Variants in TMEM151A observed in about 807,000 individuals in gnomAD.
The protein encoded by TMEM151A is transmembrane protein 151.
Under a neutral mutation model 33.7 loss-of-function variants are expected in TMEM151A, and 21 were observed. The ratio of observed to expected loss-of-function variants is 0.62; its 90% CI spans 0.44 to 0.90. The LOEUF (loss-of-function observed/expected upper bound fraction) is 0.90. Among genes scored for constraint, TMEM151A ranks in the 40% least tolerant of loss-of-function variants. TMEM151A has a pLI of 0.00. For missense variants in TMEM151A, 704 were observed against 697.7 expected (o/e 1.01, Z -0.10); for synonymous variants, 374 against 330.3 (o/e 1.13, Z -1.43).
In TMEM151A at chr11:66,292,119, C is replaced by A; in HGVS notation, c.75+31C>A. The A allele has an allele frequency of 2.1e-6, 3 of 1,411,248 alleles. No homozygotes were observed. The highest frequency in any genetic ancestry group is 2.7e-6 in the Non-Finnish European group (3 of 1,091,862). The allele number at this position is 1,411,248 out of a possible 1,614,324, so 87.4% of individuals were successfully genotyped here. A position where few individuals can be genotyped will look rare whatever the true frequency, so the allele number is the denominator to read the frequency against. On this transcript the variant is annotated intron_variant, in intron 1 of 1. Transcript: ENST00000327259. The surrounding 1 kb of genome is among the most constrained non-coding windows in gnomAD (Gnocchi z 4.7). ...GGCGCTGGGGGGGCCGGAGCCGGGC[C>A]TGGGGCGGCGTGAGAGGGACCAGTG...
Position 66,295,602 on chromosome 11 carries a change from C to A in TMEM151A, c.1356C>A (p.Leu452=). The A allele has an allele frequency of 6.5e-7, 1 of 1,546,556 alleles. No individual in the cohort carries two copies. The highest frequency in any genetic ancestry group is 2.6e-5 in the East Asian group (1 of 38,438). ...CYEDALYFPV[L]IVHGDSGCQG... ...AGGACGCCCTCTACTTCCCGGTGCTCATTGTCCACGGAGACAGCGGCTGCC... is the reference window on the plus strand; with the variant it reads ...AGGACGCCCTCTACTTCCCGGTGCTAATTGTCCACGGAGACAGCGGCTGCC... The change falls in exon 2 of 2, where the codon CTC becomes CTA. Residue 452 remains leucine (L), a synonymous_variant. Coordinates refer to ENST00000327259, the MANE Select transcript of TMEM151A (RefSeq NM_153266.4).
chr11:66,295,763 A>C lies in TMEM151A; in HGVS notation c.*110A>C. 298 of 742,370 alleles carry C rather than the reference A, an allele frequency of 4.0e-4. No homozygotes were observed. The highest frequency in any genetic ancestry group is 1.1e-3 in the East Asian group (22 of 19,426). 46.0% of individuals were successfully genotyped at this position (742,370 alleles called of 1,614,324 possible). A position where few individuals can be genotyped will look rare whatever the true frequency, so the allele number is the denominator to read the frequency against. ...CGGGAAAACAGACCAGCCACACACA[A>C]GGGGCAGGGGTGAGGGTGGGGGTGG... is the stretch of plus-strand genomic sequence containing the variant. On this transcript the variant is annotated 3_prime_UTR_variant, in exon 2 of 2. Coordinates refer to ENST00000327259, the MANE Select transcript of TMEM151A (RefSeq NM_153266.4).
chr11:66,294,479 T>C lies in TMEM151A; in HGVS notation c.233T>C (p.Leu78Ser). 4 of 1,605,970 alleles carry C rather than the reference T, an allele frequency of 2.5e-6. No individual in the cohort carries two copies. The highest frequency in any genetic ancestry group is 2.6e-6 in the Non-Finnish European group (3 of 1,176,146). The change falls in exon 2 of 2, where the codon TTG becomes TCG. Residue 78 changes from leucine (L) to serine (S), a missense_variant. By Grantham distance (145) the Leu-to-Ser change is moderately radical. This residue lies in a region of TMEM151A where 301 missense variants were observed against 323.4 expected (regional missense o/e 0.93). Transcript: ENST00000327259. Reference sequence around the variant, plus strand: ...CTGGTCCTGGGGCCCGAGGCCGCCTTGGCCCGGGGAGCCGGGGGCCCGCCA... The same window carrying C: ...CTGGTCCTGGGGCCCGAGGCCGCCTCGGCCCGGGGAGCCGGGGGCCCGCCA... ...PRLVLGPEAA[L>S]ARGAGGPPPT... is the part of the protein sequence containing the mutation.
chr11:66,294,452 G>C lies in TMEM151A; in HGVS notation c.206G>C (p.Arg69Pro). 6.2e-7 allele frequency: 1 copy of C among 1,609,154 alleles called. No individual in the cohort carries two copies. The highest frequency in any genetic ancestry group is 8.5e-7 in the Non-Finnish European group (1 of 1,178,046). Residue 69 changes from arginine to proline, a missense_variant, in exon 2 of 2, where the codon CGG becomes CCG. Physicochemically the swap from Arg to Pro is moderately radical, Grantham distance 103. Transcript: ENST00000327259. Reference sequence around the variant, plus strand: ...TGGTGTCGCCTGGCCACAGTGCCGCGGCTGGTCCTGGGGCCCGAGGCCGCC... The same window carrying C: ...TGGTGTCGCCTGGCCACAGTGCCGCCGCTGGTCCTGGGGCCCGAGGCCGCC... The part of the protein sequence containing the change: ...VAWCRLATVP[R>P]LVLGPEAALA...
At position 66,295,318 on chromosome 11, in the gene TMEM151A, C is replaced by T; in HGVS notation, c.1072C>T (p.Pro358Ser). 1 of 1,587,810 alleles carries T rather than the reference C, an allele frequency of 6.3e-7. No homozygotes were observed. Among genetic ancestry groups the T allele is most frequent in the Non-Finnish European group, 8.6e-7 (1 of 1,168,026 alleles). ...WHICSNRQLV[P>S]SYSEAVVMGA... ...CATCTGCTCCAACCGGCAGCTGGTG[C>T]CCAGCTACTCGGAGGCCGTGGTCAT... The change falls in exon 2 of 2, where the codon CCC becomes TCC. Residue 358 changes from proline (P) to serine (S), a missense_variant. Physicochemically the swap from Pro to Ser is moderately conservative, Grantham distance 74. Coordinates refer to ENST00000327259, the MANE Select transcript of TMEM151A (RefSeq NM_153266.4).
chr11:66,295,381 C>G lies in TMEM151A; in HGVS notation c.1135C>G (p.Arg379Gly). Reference protein sequence around the residue: ...GSGAYLRGCQRCRRSVSSNSL... With the variant: ...GSGAYLRGCQGCRRSVSSNSL... The stretch of plus-strand genomic sequence containing the variant: ...GGGCGCCTACCTCAGAGGCTGCCAG[C>G]GCTGCCGCCGCTCTGTCAGCAGCAA... The change falls in exon 2 of 2, where the codon CGC (arginine) becomes GGC (glycine). Residue 379 changes from arginine (R) to glycine (G), a missense_variant. Arg to Gly is a moderately radical substitution (Grantham distance 125). This residue lies in a region of TMEM151A where 398 missense variants were observed against 356.0 expected (regional missense o/e 1.12). Coordinates refer to ENST00000327259, the MANE Select transcript of TMEM151A (RefSeq NM_153266.4). 1 of 1,550,326 alleles carries G rather than the reference C, an allele frequency of 6.5e-7. No individual in the cohort carries two copies. The highest frequency in any genetic ancestry group is 8.7e-7 in the Non-Finnish European group (1 of 1,150,672).
chr11:66,295,086 C>T lies in TMEM151A; in HGVS notation c.840C>T (p.Pro280=), dbSNP rs1317047143. The change falls in exon 2 of 2, where the codon CCC becomes CCT. Residue 280 remains proline (P), a synonymous_variant. Transcript: ENST00000327259. ...LMVFADPRSP[P]WYARAWVFWL... The stretch of plus-strand genomic sequence containing the variant: ...TCTTCGCCGACCCCCGCAGCCCGCC[C>T]TGGTACGCGCGCGCCTGGGTCTTCT... The T allele has an allele frequency of 1.3e-6, 2 of 1,596,422 alleles. No homozygotes were observed. The highest frequency in any genetic ancestry group is 1.7e-5 in the Admixed American group (1 of 59,736).
At position 66,294,986 on chromosome 11, in the gene TMEM151A, A is replaced by T; in HGVS notation, c.740A>T (p.Glu247Val). 6.3e-7 allele frequency: 1 copy of T among 1,587,172 alleles called. No individual in the cohort carries two copies. The highest frequency in any genetic ancestry group is 8.5e-7 in the Non-Finnish European group (1 of 1,173,528). ...CGGGCGCGCTTCTTCAGCGCCAACGAGGGCCTGGACGACTATCTGGAGGCG... is the reference window on the plus strand; with the variant it reads ...CGGGCGCGCTTCTTCAGCGCCAACGTGGGCCTGGACGACTATCTGGAGGCG... ...TQRARFFSAN[E>V]GLDDYLEARE... The change falls in exon 2 of 2, where the codon GAG becomes GTG. Residue 247 changes from glutamate (E) to valine (V), a missense_variant. Transcript: ENST00000327259.
At chr11:66,294,043 G>A (rs1307194837) in intron 1 of TMEM151A, among the ~76,000 whole-genome samples, 1 of 152,232 alleles carries the variant, frequency 6.6e-6, no homozygotes, top group Non-Finnish European at 1.5e-5. Context: ...CCTGGCTGAG[G>A]TGGGCCTGCT....
chr11:66,294,948 G>A lies in TMEM151A; in HGVS notation c.702G>A (p.Ser234=), dbSNP rs539756801. 7 of 1,558,286 alleles carry A rather than the reference G, an allele frequency of 4.5e-6. No homozygotes were observed. The East Asian group carries it at 1.4e-4, about 32-fold the overall frequency. ...FSFGSAEAEA[S]YLTQRARFFS... is the part of the protein sequence containing the mutation. Reference sequence around the variant, plus strand: ...TCGGCAGCGCGGAGGCCGAGGCCTCGTACCTCACGCAGCGGGCGCGCTTCT... The same window carrying A: ...TCGGCAGCGCGGAGGCCGAGGCCTCATACCTCACGCAGCGGGCGCGCTTCT... Residue 234 remains serine, a synonymous_variant, in exon 2 of 2, where the codon TCG becomes TCA. Transcript: ENST00000327259.
chr11:66,294,250 G>A, intron 1 of TMEM151A, 72 bp from the exon 2 acceptor site: 1 of 1,574,230 alleles, frequency 6.4e-7, no homozygotes, highest in South Asian at 1.2e-5. Context: ...TCCTCAGCCG[G>A]GTTAAGCAAA....
chr11:66,294,311 C>T lies in TMEM151A; in HGVS notation c.76-11C>T. On this transcript the variant is annotated splice_polypyrimidine_tract_variant and intron_variant, in intron 1 of 1. Coordinates refer to ENST00000327259, the MANE Select transcript of TMEM151A (RefSeq NM_153266.4). ...CCTGACACAGACTTCCCTTTCTCTG[C>T]CCACCTGCAGCAGCGGCCCCTGAAA... 2 of 1,604,016 alleles carry T rather than the reference C, an allele frequency of 1.2e-6. No individual in the cohort carries two copies. The highest frequency in any genetic ancestry group is 8.5e-7 in the Non-Finnish European group (1 of 1,179,106).
Position 66,295,019 on chromosome 11 carries a change from G to C in TMEM151A, c.773G>C (p.Gly258Ala). ...GACGACTATCTGGAGGCGCGCGAGG[G>C]CATGCACCTGAAGGACGTAGACTTC... ...GLDDYLEARE[G>A]MHLKDVDFRE... Residue 258 changes from glycine (G) to alanine (A), a missense_variant, in exon 2 of 2, where the codon GGC becomes GCC. Gly to Ala is a moderately conservative substitution (Grantham distance 60, BLOSUM62 0). Around this residue, in one of 3 missense-constraint regions of TMEM151A, gnomAD observed 398 missense variants for 356.0 expected, o/e 1.12. Transcript: ENST00000327259. 6.3e-7 allele frequency: 1 copy of C among 1,598,142 alleles called. No individual in the cohort carries two copies.
At position 66,295,844 on chromosome 11, in the gene TMEM151A, A is replaced by G. The variant is rs987493955; in HGVS notation, c.*191A>G. The G allele has an allele frequency of 1.1e-5, 5 of 465,398 alleles. No homozygotes were observed. The East Asian group carries it at 1.8e-4, about 17-fold the overall frequency. The allele number at this position is 465,398 out of a possible 1,614,324, so 28.8% of individuals were successfully genotyped here. On this transcript the variant is annotated 3_prime_UTR_variant, in exon 2 of 2. Coordinates refer to ENST00000327259, the MANE Select transcript of TMEM151A (RefSeq NM_153266.4). ...CTGTGGTCATTTTGGAGGAAGTGGA[A>G]GCCTAAGAATCGCCCCCAGCATGGC...
rs1857513397 is a variant in TMEM151A at position 66,295,687 on chromosome 11, C to T, written c.*34C>T. The T allele has an allele frequency of 1.4e-6, 2 of 1,425,712 alleles. No homozygotes were observed. Among genetic ancestry groups the T allele is most frequent in the Admixed American group, 3.0e-5 (1 of 33,706 alleles). 88.3% of individuals were successfully genotyped at this position (1,425,712 alleles called of 1,614,324 possible). ...ACGGCCCCCAGAGTGGCCCCCTCCC[C>T]ACCATTCCACCATGGGCTTAGATGC... On this transcript the variant is annotated 3_prime_UTR_variant, in exon 2 of 2. Coordinates refer to ENST00000327259, the MANE Select transcript of TMEM151A (RefSeq NM_153266.4).
chr11:66,292,166 G>T lies in TMEM151A; in HGVS notation c.75+78G>T. On this transcript the variant is annotated intron_variant, in intron 1 of 1. Transcript: ENST00000327259. This position sits in a 1 kb window ranked among gnomAD's most constrained non-coding sequence, Gnocchi z 4.7. ...AGTGCAAAAGGCGACCCCAAGAGAG[G>T]GGCTGAGGAGGGAAGTCCCAGAGCC... 8.2e-7 allele frequency: 1 copy of T among 1,212,960 alleles called. No homozygotes were observed. Among genetic ancestry groups the T allele is most frequent in the South Asian group, 1.8e-5 (1 of 54,898 alleles). The allele number at this position is 1,212,960 out of a possible 1,614,324, so 75.1% of individuals were successfully genotyped here. A position where few individuals can be genotyped will look rare whatever the true frequency, so the allele number is the denominator to read the frequency against.
Position 66,295,543 on chromosome 11 carries a change from G to C in TMEM151A, c.1297G>C (p.Asp433His). The change falls in exon 2 of 2, where the codon GAC becomes CAC. Residue 433 changes from aspartate (D) to histidine (H), a missense_variant. By Grantham distance (81) the Asp-to-His change is moderately conservative (BLOSUM62 -1). Transcript: ENST00000327259. ...SGGPLGRRGEDTEPLESPPCY... is the reference protein window; with the variant it reads ...SGGPLGRRGEHTEPLESPPCY... ...GGGGCCGCTGGGGCGCCGTGGAGAGGACACGGAACCCCTGGAGAGCCCGCC... is the reference window on the plus strand; with the variant it reads ...GGGGCCGCTGGGGCGCCGTGGAGAGCACACGGAACCCCTGGAGAGCCCGCC... 1 of 1,446,758 alleles carries C rather than the reference G, an allele frequency of 6.9e-7. No individual in the cohort carries two copies. The highest frequency in any genetic ancestry group is 9.1e-7 in the Non-Finnish European group (1 of 1,099,144). The allele number at this position is 1,446,758 out of a possible 1,614,324, so 89.6% of individuals were successfully genotyped here.
Position 66,291,985 on chromosome 11 carries a change from G to A in TMEM151A, c.-29G>A. 1 of 1,498,340 alleles carries A rather than the reference G, an allele frequency of 6.7e-7. No homozygotes were observed. The highest frequency in any genetic ancestry group is 1.5e-5 in the African/African-American group (1 of 68,582). The allele number at this position is 1,498,340 out of a possible 1,614,324, so 92.8% of individuals were successfully genotyped here. On this transcript the variant is annotated 5_prime_UTR_variant, in exon 1 of 2. Transcript: ENST00000327259. ...CCCCCCTATCATGCCCGGTGCCCAG[G>A]CTGGGGCCGCCCAAGCAGCCAGGAC...
rs1432158461 is a variant in TMEM151A at position 66,295,239 on chromosome 11, C to T, written c.993C>T (p.Ser331=). The part of the protein sequence containing the change: ...ASSPPPGAVP[S]GPPLSRVATV... ...CGCCCCCGCCGGGGGCCGTGCCCAG[C>T]GGGCCCCCGCTGTCCCGCGTGGCCA... is the stretch of plus-strand genomic sequence containing the variant. Residue 331 remains serine (S), a synonymous_variant, in exon 2 of 2, where the codon AGC becomes AGT. Transcript: ENST00000327259. 2 of 1,561,472 alleles carry T rather than the reference C, an allele frequency of 1.3e-6. No individual in the cohort carries two copies. The highest frequency in any genetic ancestry group is 1.4e-5 in the African/African-American group (1 of 73,590).
Sources: allele counts gnomAD v4.1 joint callset (sites outside exome capture counted in the v4.1 genomes callset), GRCh38; gene constraint gnomAD v4.1.1; regional missense constraint gnomAD v4.1.1; non-coding constraint Gnocchi (gnomAD v3.1); transcripts MANE v1.5; gene names NCBI Gene and HGNC (gene_info 2026-07-23, HGNC 2026-07-21).